Variants in CHN2 observed in about 807,000 individuals in gnomAD.
The protein encoded by CHN2 is chimerin 2.
Under a neutral mutation model 56.3 loss-of-function variants are expected in CHN2, and 35 were observed. That is an observed-to-expected ratio of 0.62 (90% CI 0.47 to 0.82). The LOEUF (loss-of-function observed/expected upper bound fraction) is 0.82. CHN2 is among the 40% of genes least tolerant of loss of function. The probability of loss-of-function intolerance (pLI) is 0.00; values close to 1 mark genes in which losing one functional copy is unlikely to be tolerated. For missense variants in CHN2, 491 were observed against 580.5 expected (o/e 0.85, Z 1.58); for synonymous variants, 210 against 212.8 (o/e 0.99, Z 0.12).
chr7:29,227,743 A>T (rs961736040), intron 1 of CHN2, among the ~76,000 whole-genome samples: 1 of 152,144 alleles, frequency 6.6e-6, no homozygotes, highest in Non-Finnish European at 1.5e-5. Flanking sequence ...TTGAAGTTCT[A>T]TTCCTGACCT....
intron 1 of CHN2, among the ~76,000 whole-genome samples, chr7:29,230,498 G>C (rs781664202): frequency 6.6e-6 from 1 of 152,006 alleles, no homozygotes; most frequent in Non-Finnish European, 1.5e-5. Flanking sequence ...GTGCCACCAC[G>C]CCTGGCTAAA....
intron 1 of CHN2, among the ~76,000 whole-genome samples, chr7:29,345,992 A>G (rs1562533842): frequency 6.6e-6 from 1 of 152,176 alleles, no homozygotes; most frequent in Non-Finnish European, 1.5e-5. Context: ...TTTCATAGTC[A>G]GACTGACAGC....
chr7:29,498,678 G>A (rs1789574249), intron 8 of CHN2, among the ~76,000 whole-genome samples: 1 of 150,886 alleles, frequency 6.6e-6, no homozygotes, highest in Non-Finnish European at 1.5e-5. Context: ...GATACTTTGA[G>A]TAGAGAGCAC....
intron 1 of CHN2, among the ~76,000 whole-genome samples, chr7:29,220,520 C>G (rs528283514): frequency 2.6e-5 from 4 of 151,884 alleles, no homozygotes; most frequent in Non-Finnish European, 5.9e-5. Context: ...ATACTATGAT[C>G]AATTTTATGT....
chr7:29,319,485 C>G (rs1380453822), intron 1 of CHN2, among the ~76,000 whole-genome samples: 1 of 152,180 alleles, frequency 6.6e-6, no homozygotes, highest in Non-Finnish European at 1.5e-5. Context: ...TCTCTGGAGC[C>G]AGGCATGGTG....
chr7:29,398,203 T>G, intron 4 of CHN2, 170 bp from the exon 5 acceptor site: 2 of 524,354 alleles, frequency 3.8e-6, no homozygotes. Context: ...GTTTGGAGCA[T>G]GTGAGGGGTG....
chr7:29,505,970 T>A (rs948254418), intron 10 of CHN2, among the ~76,000 whole-genome samples: 2 of 152,234 alleles, frequency 1.3e-5, no homozygotes, highest in Admixed American at 1.3e-4. Flanking sequence ...CATCGGCAGC[T>A]TTTTTCATCT....
At chr7:29,394,347 C>T (rs2128076635) in intron 4 of CHN2, among the ~76,000 whole-genome samples, 1 of 152,328 alleles carries the variant, frequency 6.6e-6, no homozygotes, top group South Asian at 2.1e-4. Flanking sequence ...ACACAGAGGG[C>T]AGGCAGAACG....
intron 6 of CHN2, 102 bp from the exon 7 acceptor site, chr7:29,480,177 G>C: frequency 6.2e-7 from 1 of 1,606,456 alleles, no homozygotes; most frequent in Non-Finnish European, 8.5e-7. Context: ...GTCTAAGCAG[G>C]GCAGGAAACG....
At chr7:29,504,403 G>A (rs777402009) in intron 9 of CHN2, among the ~76,000 whole-genome samples, 7 of 152,264 alleles carry the variant, frequency 4.6e-5, no homozygotes, top group South Asian at 2.1e-4. Context: ...TGCTTCCTAC[G>A]ATGACGAAAT....
At chr7:29,298,610 G>A (rs1235096615) in intron 1 of CHN2, among the ~76,000 whole-genome samples, 1 of 152,138 alleles carries the variant, frequency 6.6e-6, no homozygotes, top group East Asian at 1.9e-4. Context: ...CGAGTAATGG[G>A]CATCCTATTT....
At chr7:29,315,149 T>C (rs1794872070) in intron 1 of CHN2, among the ~76,000 whole-genome samples, 1 of 152,226 alleles carries the variant, frequency 6.6e-6, no homozygotes, top group Non-Finnish European at 1.5e-5. Flanking sequence ...GTGGATTACC[T>C]GAGAAACAAG....
intron 2 of CHN2, among the ~76,000 whole-genome samples, chr7:29,154,337 C>G (rs1052670925): frequency 6.6e-6 from 1 of 152,212 alleles, no homozygotes; most frequent in Non-Finnish European, 1.5e-5. Context: ...GAATCAGCCT[C>G]TAGCATGTCT....
At chr7:29,252,457 G>T (rs1788640352) in intron 1 of CHN2, among the ~76,000 whole-genome samples, 2 of 151,366 alleles carry the variant, frequency 1.3e-5, no homozygotes, top group African/African-American at 4.8e-5. Context: ...CAAAGTGCTG[G>T]GATTACAGGC....
intron 1 of CHN2, among the ~76,000 whole-genome samples, chr7:29,274,291 A>G (rs1790995380): frequency 6.6e-6 from 1 of 152,198 alleles, no homozygotes; most frequent in Admixed American, 6.5e-5. Context: ...TGAATCTCAA[A>G]TTGCATGTGC....
At chr7:29,377,989 G>A (rs1006895246) in intron 3 of CHN2, among the ~76,000 whole-genome samples, 1 of 152,234 alleles carries the variant, frequency 6.6e-6, no homozygotes, top group Non-Finnish European at 1.5e-5. Context: ...CACATCGATT[G>A]TTTGATGAAT....
chr7:29,276,772 A>G (rs1337088782), intron 1 of CHN2, among the ~76,000 whole-genome samples: 1 of 152,108 alleles, frequency 6.6e-6, no homozygotes, highest in East Asian at 1.9e-4. Flanking sequence ...ACCCCCAGCT[A>G]TTTTAGATCA....
chr7:29,475,114 T>A (rs2128534289), intron 6 of CHN2, among the ~76,000 whole-genome samples: 1 of 152,310 alleles, frequency 6.6e-6, no homozygotes, highest in East Asian at 1.9e-4. Flanking sequence ...TGTCTATATC[T>A]GACAACCTCT....
chr7:29,404,931 C>T (rs1802508405), intron 6 of CHN2, among the ~76,000 whole-genome samples: 1 of 151,814 alleles, frequency 6.6e-6, no homozygotes, highest in South Asian at 2.1e-4. Flanking sequence ...ATGCAAGAGC[C>T]AGTATCACTG....
Sources: gnomAD v4.1 joint callset for allele counts (sites outside exome capture counted in the v4.1 genomes callset) on GRCh38, gnomAD v4.1.1 for gene constraint, MANE v1.5 for transcripts, NCBI Gene and HGNC (gene_info 2026-07-23, HGNC 2026-07-21) for gene names.